The following AUTS2 variants were observed in gnomAD, a reference collection of about 807,000 sequenced individuals.
AUTS2 encodes autism susceptibility gene 2 protein.
Under a neutral mutation model 112.4 loss-of-function variants are expected in AUTS2, and 17 were observed. The observed-to-expected ratio is 0.15, with a 90% CI of 0.10 to 0.23. The LOEUF is 0.23. AUTS2 is among the 10% of genes least tolerant of loss of function. AUTS2 has a pLI of 1.00. For synonymous variants in AUTS2, 751 were observed against 702.7 expected, an observed-to-expected ratio of 1.07 and a Z score of -1.09; for missense variants, 1,510 against 1,701.6, an observed-to-expected ratio of 0.89 and a Z score of 1.98.
Position 70,766,155 on chromosome 7 carries a change from G to A in AUTS2, c.1510G>A (p.Ala504Thr). ...ACAGGAACTGAACACTCGTTTTTTG[G>A]CCTCTCAGAGTGCTGACCGCGGGGC... ...LRQELNTRFLASQSADRGASL... is the reference protein window; with the variant it reads ...LRQELNTRFLTSQSADRGASL... Residue 504 changes from alanine (A) to threonine (T), a missense_variant, in exon 9 of 19, where the codon GCC (alanine) becomes ACC (threonine). Physicochemically the swap from Ala to Thr is moderately conservative, Grantham distance 58. Coordinates refer to ENST00000342771, the MANE Select transcript of AUTS2 (RefSeq NM_015570.4). This position sits in a 1 kb window ranked among gnomAD's most constrained non-coding sequence, Gnocchi z 4.8. The A allele has an allele frequency of 6.2e-7, 1 of 1,612,462 alleles. No homozygotes were observed. The highest frequency in any genetic ancestry group is 8.5e-7 in the Non-Finnish European group (1 of 1,179,582).
chr7:70,175,867 T>G (rs1381417442), intron 4 of AUTS2, among the ~76,000 whole-genome samples: 1 of 152,226 alleles, frequency 6.6e-6, no homozygotes, highest in Non-Finnish European at 1.5e-5. Context: ...TGTTAATAAC[T>G]TAACATAATT....
At chr7:70,209,886 T>C (rs1047527280) in intron 4 of AUTS2, among the ~76,000 whole-genome samples, 1 of 152,182 alleles carries the variant, frequency 6.6e-6, no homozygotes, top group Non-Finnish European at 1.5e-5. Flanking sequence ...GTTTAGCTTC[T>C]TTCTCCAAAA....
At chr7:69,686,058 A>G (rs1387118266) in intron 1 of AUTS2, among the ~76,000 whole-genome samples, 2 of 152,222 alleles carry the variant, frequency 1.3e-5, no homozygotes, top group Admixed American at 1.3e-4. Context: ...ATTAGACTTC[A>G]TGTATGGAAC....
chr7:70,073,659 T>C (rs565284076), intron 2 of AUTS2, among the ~76,000 whole-genome samples: 1 of 152,170 alleles, frequency 6.6e-6, no homozygotes, highest in Non-Finnish European at 1.5e-5. Context: ...ATTTATCGAA[T>C]GGAAGGTAAT....
At chr7:69,772,581 A>G (rs1788715519) in intron 1 of AUTS2, among the ~76,000 whole-genome samples, 1 of 152,166 alleles carries the variant, frequency 6.6e-6, no homozygotes, top group African/African-American at 2.4e-5. Context: ...CTACAGGCAC[A>G]TACCACCATG....
At chr7:69,906,727 T>A (rs1296487636) in intron 2 of AUTS2, among the ~76,000 whole-genome samples, 1 of 152,192 alleles carries the variant, frequency 6.6e-6, no homozygotes, top group Admixed American at 6.5e-5. Context: ...TTTCTAAGAC[T>A]GTAAAAGCCA....
At chr7:70,251,277 G>A (rs1174769443) in intron 4 of AUTS2, among the ~76,000 whole-genome samples, 1 of 151,970 alleles carries the variant, frequency 6.6e-6, no homozygotes, top group Non-Finnish European at 1.5e-5. Flanking sequence ...TGTTGGCCAG[G>A]CTGGTCTTGA....
intron 4 of AUTS2, among the ~76,000 whole-genome samples, chr7:70,180,192 A>G (rs961760644): frequency 7.2e-5 from 11 of 152,304 alleles, no homozygotes; most frequent in East Asian, 1.9e-4. Context: ...AAGTTATCAT[A>G]TTGCATTTCT....
At chr7:70,083,454 C>A (rs1362666618) in intron 2 of AUTS2, among the ~76,000 whole-genome samples, 1 of 152,150 alleles carries the variant, frequency 6.6e-6, no homozygotes, top group African/African-American at 2.4e-5. Flanking sequence ...ATAGCATATA[C>A]ATTTAGTTGT....
chr7:70,561,565 G>A (rs1585304734), intron 5 of AUTS2, among the ~76,000 whole-genome samples: 1 of 152,310 alleles, frequency 6.6e-6, no homozygotes, highest in African/African-American at 2.4e-5. Flanking sequence ...GTTTGAGGCT[G>A]CAGTGAACTA....
intron 6 of AUTS2, among the ~76,000 whole-genome samples, chr7:70,733,749 G>A (rs965899529): frequency 6.6e-6 from 1 of 151,872 alleles, no homozygotes; most frequent in African/African-American, 2.4e-5. Flanking sequence ...ACCACACCCT[G>A]ATAATTTTTG....
At chr7:70,231,832 G>C (rs1433556635) in intron 4 of AUTS2, among the ~76,000 whole-genome samples, 2 of 151,298 alleles carry the variant, frequency 1.3e-5, no homozygotes, top group East Asian at 3.9e-4. Context: ...GGAGTGCAGT[G>C]GCGCGATCTT....
chr7:70,747,658 T>A (rs1305105280), intron 6 of AUTS2, among the ~76,000 whole-genome samples: 2 of 152,036 alleles, frequency 1.3e-5, no homozygotes, highest in East Asian at 3.9e-4. Flanking sequence ...GTTTTTGTTT[T>A]TGTTTTGTAG....
At chr7:69,679,030 C>T (rs1796687394) in intron 1 of AUTS2, among the ~76,000 whole-genome samples, 1 of 152,230 alleles carries the variant, frequency 6.6e-6, no homozygotes, top group Admixed American at 6.5e-5. Context: ...ATTGGCCATG[C>T]TGTCGCCATA....
chr7:69,737,259 A>G (rs142193501), intron 1 of AUTS2, among the ~76,000 whole-genome samples: 3 of 152,322 alleles, frequency 2.0e-5, no homozygotes, highest in African/African-American at 4.8e-5. Context: ...ACTCAATTGA[A>G]TAATAACAAG....
At chr7:70,526,815 T>C (rs1046538365) in intron 5 of AUTS2, among the ~76,000 whole-genome samples, 14 of 152,212 alleles carry the variant, frequency 9.2e-5, no homozygotes, top group African/African-American at 2.7e-4. Flanking sequence ...TTCCTGCCCT[T>C]GCCTCCTCTC....
chr7:70,449,261 C>G (rs1796435677), intron 5 of AUTS2, among the ~76,000 whole-genome samples: 1 of 152,196 alleles, frequency 6.6e-6, no homozygotes, highest in African/African-American at 2.4e-5. Flanking sequence ...TGGTAGAAAT[C>G]ATGACCCATC....
chr7:69,816,895 G>T (rs1426077385), intron 1 of AUTS2, among the ~76,000 whole-genome samples: 1 of 152,170 alleles, frequency 6.6e-6, no homozygotes, highest in African/African-American at 2.4e-5. Flanking sequence ...CGTTCAGCAA[G>T]TTCTTGGTGG....
chr7:70,037,525 G>A (rs1316079288), intron 2 of AUTS2, among the ~76,000 whole-genome samples: 1 of 151,992 alleles, frequency 6.6e-6, no homozygotes, highest in Non-Finnish European at 1.5e-5. Context: ...ACAATAAAAT[G>A]TATTAATAAT....
Sources: allele counts gnomAD v4.1 joint callset (sites outside exome capture counted in the v4.1 genomes callset), GRCh38; gene constraint gnomAD v4.1.1; non-coding constraint Gnocchi (gnomAD v3.1); transcripts MANE v1.5; gene names NCBI Gene and HGNC (gene_info 2026-07-23, HGNC 2026-07-21).